The following WNT2B variants were observed in gnomAD, a reference collection of about 807,000 sequenced individuals.
The protein encoded by WNT2B is protein Wnt-2b.
In WNT2B, 19 loss-of-function variants were observed where a neutral mutation model predicts 40.5. The ratio of observed to expected loss-of-function variants is 0.47; its 90% confidence interval spans 0.33 to 0.69. WNT2B has a LOEUF of 0.69. WNT2B is among the 30% of genes least tolerant of loss of function. The pLI is 0.02. For missense variants in WNT2B, 467 were observed against 556.4 expected (o/e 0.84, Z 1.62); for synonymous variants, 220 against 211.9 (o/e 1.04, Z -0.33).
chr1:112,490,089 G>A (rs1317442460), intron 1 of WNT2B, among the ~76,000 whole-genome samples: 2 of 151,842 alleles, frequency 1.3e-5, no homozygotes, highest in East Asian at 1.9e-4. Flanking sequence ...ATTACCAGGG[G>A]AAGGAATAAG....
At chr1:112,492,157 A>T (rs1651622224) in intron 1 of WNT2B, among the ~76,000 whole-genome samples, 1 of 152,236 alleles carries the variant, frequency 6.6e-6, no homozygotes, top group South Asian at 2.1e-4. Flanking sequence ...TATAAAAAAG[A>T]CACTCAAGAT....
chr1:112,516,260 G>A lies in WNT2B; in HGVS notation c.524G>A (p.Arg175Gln), dbSNP rs373636614. Residue 175 changes from arginine (R) to glutamine (Q), a missense_variant, in exon 3 of 5, where the codon CGA becomes CAA. Transcript: ENST00000369684. The stretch of plus-strand genomic sequence containing the variant: ...AGCTGTGACCCCTACACCCGTGGCC[G>A]ACACCATGACCAGCGTGGGGACTTT... ...VCSCDPYTRG[R>Q]HHDQRGDFDW... is the part of the protein sequence containing the mutation. The A allele has an allele frequency of 2.4e-5, 39 of 1,613,986 alleles. No individual in the cohort carries two copies. Among genetic ancestry groups the A allele is most frequent in the East Asian group, 4.5e-5 (2 of 44,876 alleles).
At chr1:112,486,827 A>G (rs1326056263) in intron 1 of WNT2B, among the ~76,000 whole-genome samples, 1 of 152,222 alleles carries the variant, frequency 6.6e-6, no homozygotes, top group East Asian at 1.9e-4. Context: ...AGAACTTTTT[A>G]TATTATGTGT....
At chr1:112,487,255 A>G (rs1433611130) in intron 1 of WNT2B, among the ~76,000 whole-genome samples, 3 of 152,226 alleles carry the variant, frequency 2.0e-5, no homozygotes, top group Non-Finnish European at 4.4e-5. Flanking sequence ...AAGATAAGAT[A>G]CAGTAAATAA....
At chr1:112,479,991 C>T (rs945240244) in intron 1 of WNT2B, among the ~76,000 whole-genome samples, 5 of 151,906 alleles carry the variant, frequency 3.3e-5, no homozygotes, top group Non-Finnish European at 7.4e-5. Context: ...GGATTACAGA[C>T]GTGAGCCACT....
chr1:112,496,538 A>G (rs1195372497), intron 1 of WNT2B, among the ~76,000 whole-genome samples: 1 of 152,034 alleles, frequency 6.6e-6, no homozygotes, highest in Admixed American at 6.5e-5. Context: ...ACGAAACCAA[A>G]CAACTTACAT....
chr1:112,526,629 T>C lies in WNT2B; in HGVS notation c.*6120T>C, dbSNP rs1005935499. On this transcript the variant is annotated 3_prime_UTR_variant, in exon 5 of 5. Coordinates refer to ENST00000369684, the MANE Select transcript of WNT2B (RefSeq NM_024494.3). ...GGTGGCGGGCGCCTGTAGTCCCAGC[T>C]ACTGGGGAGGCTGAGGCAGGAGAAT... The C allele has an allele frequency of 1.3e-5, 2 of 152,284 alleles. No homozygotes were observed. The highest frequency in any genetic ancestry group is 2.9e-5 in the Non-Finnish European group (2 of 68,566). 9.4% of individuals were successfully genotyped at this position (152,284 alleles called of 1,614,324 possible).
chr1:112,478,600 A>G (rs571762254), intron 1 of WNT2B, among the ~76,000 whole-genome samples: 1 of 152,288 alleles, frequency 6.6e-6, no homozygotes, highest in East Asian at 1.9e-4. Flanking sequence ...ATTTAAGAAT[A>G]CTATTCCTAG....
At chr1:112,503,665 A>T (rs950461617) in intron 1 of WNT2B, among the ~76,000 whole-genome samples, 5 of 152,152 alleles carry the variant, frequency 3.3e-5, no homozygotes, top group African/African-American at 1.2e-4. Context: ...ACACGGAGAG[A>T]CAGGGAGTGA....
chr1:112,498,544 C>T (rs1557914990), intron 1 of WNT2B, among the ~76,000 whole-genome samples: 1 of 145,684 alleles, frequency 6.9e-6, no homozygotes, highest in Non-Finnish European at 1.5e-5. Context: ...CAATCTCTCT[C>T]TTTTTTTTTT....
At chr1:112,514,819 T>A (rs1652469459) in intron 1 of WNT2B, 55 bp from the exon 2 acceptor site, 1 of 1,569,052 alleles carries the variant, frequency 6.4e-7, no homozygotes, top group African/African-American at 1.3e-5. Context: ...CCTTATTCCC[T>A]CCCAATGCAG....
chr1:112,524,502 C>G lies in WNT2B; in HGVS notation c.*3993C>G, dbSNP rs1223813721. On this transcript the variant is annotated 3_prime_UTR_variant, in exon 5 of 5. Coordinates refer to ENST00000369684, the MANE Select transcript of WNT2B (RefSeq NM_024494.3). ...GAGAGGTGCCAGACACAGAGTTCTCCGTAAGCAATCCTGCAGAGCCGCCCC... is the reference window on the plus strand; with the variant it reads ...GAGAGGTGCCAGACACAGAGTTCTCGGTAAGCAATCCTGCAGAGCCGCCCC... 6.5e-6 allele frequency: 1 copy of G among 152,734 alleles called. No homozygotes were observed. The highest frequency in any genetic ancestry group is 2.4e-5 in the African/African-American group (1 of 41,378). The allele number at this position is 152,734 out of a possible 1,614,324, so 9.5% of individuals were successfully genotyped here. A position where few individuals can be genotyped will look rare whatever the true frequency, so the allele number is the denominator to read the frequency against.
chr1:112,517,186 C>T lies in WNT2B; in HGVS notation c.747C>T (p.Arg249=), dbSNP rs1652594848. ...CHGVSGSCTL[R]TCWRALSDFR... The stretch of plus-strand genomic sequence containing the variant: ...GCGTGAGTGGTTCCTGTACTCTGCG[C>T]ACCTGCTGGCGTGCACTCTCAGATT... Residue 249 remains arginine, a synonymous_variant, in exon 4 of 5, where the codon CGC becomes CGT. Transcript: ENST00000369684. 6.2e-7 allele frequency: 1 copy of T among 1,614,206 alleles called. No individual in the cohort carries two copies. Among genetic ancestry groups the T allele is most frequent in the Non-Finnish European group, 8.5e-7 (1 of 1,180,032 alleles).
intron 1 of WNT2B, among the ~76,000 whole-genome samples, chr1:112,484,224 T>TATATACACATATATATACACAC (rs1651328753): frequency 7.0e-6 from 1 of 143,786 alleles, no homozygotes; most frequent in African/African-American, 2.5e-5. Flanking sequence ...TATACACATA[T>TATATACACATATATATACACAC]ATATATACAC....
intron 1 of WNT2B, among the ~76,000 whole-genome samples, chr1:112,478,888 A>C (rs1352702992): frequency 6.6e-6 from 1 of 152,092 alleles, no homozygotes. Context: ...ACACCACAGC[A>C]CTCTAGCTTG....
At chr1:112,517,477 G>C in intron 4 of WNT2B, 92 bp downstream of exon 4, 2 of 1,464,306 alleles carry the variant, frequency 1.4e-6, no homozygotes, top group South Asian at 2.7e-5. Context: ...CAGGAGTTAG[G>C]GAAGGGGGTG....
Position 112,527,010 on chromosome 1 carries a change from CAA to C in WNT2B, c.*6503_*6504del, listed in dbSNP as rs1653553441. 1 of 152,224 alleles carries C rather than the reference CAA, an allele frequency of 6.6e-6. No individual in the cohort carries two copies. Among genetic ancestry groups the C allele is most frequent in the African/African-American group, 2.4e-5 (1 of 41,446 alleles). 9.4% of individuals were successfully genotyped at this position (152,224 alleles called of 1,614,324 possible). On this transcript the variant is annotated 3_prime_UTR_variant, in exon 5 of 5. Transcript: ENST00000369684. Reference sequence around the variant, plus strand: ...GGCAGACAGCAGATTTTCACTTGATCAAACACTTGCTGCTCTCAACCCCTCTT... The same window carrying C: ...GGCAGACAGCAGATTTTCACTTGATCACACTTGCTGCTCTCAACCCCTCTT...
chr1:112,509,320 G>T lies in WNT2B; in HGVS notation c.58G>T (p.Ala20Ser), dbSNP rs987660426. 12 of 1,575,974 alleles carry T rather than the reference G, an allele frequency of 7.6e-6. No individual in the cohort carries two copies. Among genetic ancestry groups the T allele is most frequent in the Non-Finnish European group, 9.4e-6 (11 of 1,167,676 alleles). The change falls in exon 1 of 5, where the codon GCC becomes TCC. Residue 20 changes from alanine to serine, a missense_variant. Physicochemically the swap from Ala to Ser is moderately conservative, Grantham distance 99. This residue lies in a region of WNT2B where 137 missense variants were observed against 117.7 expected (regional missense o/e 1.16). Transcript: ENST00000369684. This position sits in a 1 kb window ranked among gnomAD's most constrained non-coding sequence, Gnocchi z 4.2. ...AAQLPLRRAS[A>S]PVPVPSPAAP... ...GCAGCTCCCGCTTCGGCGCGCCAGC[G>T]CCCCGGTCCCTGTGCCGTCGCCCGC...
At position 112,522,548 on chromosome 1, in the gene WNT2B, CTCA is replaced by C. The variant is rs1652938973; in HGVS notation, c.*2041_*2043del. ...TTCCTCTCCAATATCCCTTGGGGTC[CTCA>C]TGTTTTTGAAGCAGCTTCACTCTGC... is the stretch of plus-strand genomic sequence containing the variant. On this transcript the variant is annotated 3_prime_UTR_variant, in exon 5 of 5. Coordinates refer to ENST00000369684, the MANE Select transcript of WNT2B (RefSeq NM_024494.3). The C allele has an allele frequency of 6.6e-6, 1 of 152,240 alleles. No homozygotes were observed. The highest frequency in any genetic ancestry group is 1.5e-5 in the Non-Finnish European group (1 of 68,072). The allele number at this position is 152,240 out of a possible 1,614,324, so 9.4% of individuals were successfully genotyped here. A position where few individuals can be genotyped will look rare whatever the true frequency, so the allele number is the denominator to read the frequency against.
Sources: allele counts gnomAD v4.1 joint callset (sites outside exome capture counted in the v4.1 genomes callset), GRCh38; gene constraint gnomAD v4.1.1; regional missense constraint gnomAD v4.1.1; non-coding constraint Gnocchi (gnomAD v3.1); transcripts MANE v1.5; gene names NCBI Gene and HGNC (gene_info 2026-07-23, HGNC 2026-07-21).